The following TSPAN18 variants were observed in gnomAD, a reference collection of about 807,000 sequenced individuals.
The protein encoded by TSPAN18 is tetraspanin-18.
Under a neutral mutation model 27.3 loss-of-function variants are expected in TSPAN18, and 14 were observed. The ratio of observed to expected loss-of-function variants is 0.51; its 90% CI spans 0.34 to 0.80. TSPAN18 has a LOEUF of 0.80. Among genes scored for constraint, TSPAN18 ranks in the 30% least tolerant of loss-of-function variants. The probability of loss-of-function intolerance (pLI) is 0.01; values close to 1 mark genes in which losing one functional copy is unlikely to be tolerated. For synonymous variants in TSPAN18, 143 were observed against 136.5 expected, an observed-to-expected ratio of 1.05 and a Z score of -0.33; for missense variants, 268 against 323.9, an observed-to-expected ratio of 0.83 and a Z score of 1.32.
intron 2 of TSPAN18, among the ~76,000 whole-genome samples, chr11:44,810,831 A>G (rs1856698209): frequency 6.6e-6 from 1 of 151,080 alleles, no homozygotes; most frequent in African/African-American, 2.4e-5. Context: ...CTAGTCTCGA[A>G]CTCCTGGGCT....
chr11:44,848,600 C>T (rs1355311242), intron 2 of TSPAN18, among the ~76,000 whole-genome samples: 1 of 151,708 alleles, frequency 6.6e-6, no homozygotes, highest in Non-Finnish European at 1.5e-5. Flanking sequence ...GAGGAGGGGG[C>T]GGGGGAAGGG....
intron 2 of TSPAN18, among the ~76,000 whole-genome samples, chr11:44,846,360 C>CA (rs1167499753): frequency 9.9e-5 from 15 of 152,246 alleles, no homozygotes; most frequent in Non-Finnish European, 1.9e-4. Context: ...GTTTAATGAA[C>CA]GTGGCTGTAC....
intron 2 of TSPAN18, among the ~76,000 whole-genome samples, chr11:44,790,285 G>A (rs796479409): frequency 4.0e-5 from 6 of 150,078 alleles, no homozygotes; most frequent in East Asian, 3.9e-4. Context: ...GCATGTGTTC[G>A]TGTATGTGCA....
chr11:44,779,981 A>C (rs1207299672), intron 2 of TSPAN18, among the ~76,000 whole-genome samples: 2 of 152,192 alleles, frequency 1.3e-5, no homozygotes, highest in African/African-American at 4.8e-5. Flanking sequence ...CTGCCTTTGC[A>C]CATACCTGCA....
chr11:44,930,666 G>A lies in TSPAN18; in HGVS notation c.*1488G>A, dbSNP rs1565030540. The A allele has an allele frequency of 2.8e-6, 1 of 363,550 alleles. No individual in the cohort carries two copies. The highest frequency in any genetic ancestry group is 7.3e-5 in the East Asian group (1 of 13,606). The allele number at this position is 363,550 out of a possible 1,614,324, so 22.5% of individuals were successfully genotyped here. A position where few individuals can be genotyped will look rare whatever the true frequency, so the allele number is the denominator to read the frequency against. On this transcript the variant is annotated 3_prime_UTR_variant, in exon 10 of 10. Transcript: ENST00000520358. ...CTGGATTGCAAGATGCTCCTACCCT[G>A]ATAGATCAGGGGTGGCTGCTGGAGG... is the stretch of plus-strand genomic sequence containing the variant.
At chr11:44,790,053 C>T (rs1248741464) in intron 2 of TSPAN18, among the ~76,000 whole-genome samples, 1 of 152,226 alleles carries the variant, frequency 6.6e-6, no homozygotes, top group Non-Finnish European at 1.5e-5. Context: ...TCTGAGACCT[C>T]AGACATCATG....
intron 2 of TSPAN18, among the ~76,000 whole-genome samples, chr11:44,836,266 A>G (rs529024150): frequency 1.2e-4 from 18 of 152,384 alleles, no homozygotes; most frequent in African/African-American, 4.1e-4. Context: ...TCCAGTGAAC[A>G]CACAGATGCT....
At chr11:44,849,888 T>C (rs955219121) in intron 2 of TSPAN18, among the ~76,000 whole-genome samples, 1 of 152,144 alleles carries the variant, frequency 6.6e-6, no homozygotes, top group Non-Finnish European at 1.5e-5. Context: ...CCACAGCTCA[T>C]TGGCCAAGCA....
intron 8 of TSPAN18, 139 bp from the exon 9 acceptor site, chr11:44,926,535 C>T (rs1039328790): frequency 3.6e-5 from 28 of 774,808 alleles, no homozygotes; most frequent in African/African-American, 2.7e-4. Flanking sequence ...CACCCCCTCC[C>T]CACTGTCCTG....
chr11:44,739,997 A>G (rs1854893886), intron 1 of TSPAN18, among the ~76,000 whole-genome samples: 7 of 152,202 alleles, frequency 4.6e-5, no homozygotes, highest in Admixed American at 4.6e-4. Context: ...GACTAGTGGA[A>G]TGAGCTGCTT....
intron 2 of TSPAN18, among the ~76,000 whole-genome samples, chr11:44,792,607 G>A (rs1015018029): frequency 2.0e-5 from 3 of 152,164 alleles, no homozygotes; most frequent in African/African-American, 7.2e-5. Flanking sequence ...AAGGAGCCGG[G>A]GCCTCTCCAT....
chr11:44,869,028 G>C (rs1425117570), intron 3 of TSPAN18, among the ~76,000 whole-genome samples: 1 of 152,258 alleles, frequency 6.6e-6, no homozygotes, highest in Non-Finnish European at 1.5e-5. Context: ...TCTGGCTGAG[G>C]GGGTGCCAGC....
intron 2 of TSPAN18, among the ~76,000 whole-genome samples, chr11:44,817,583 G>T (rs1856841217): frequency 6.6e-6 from 1 of 152,224 alleles, no homozygotes; most frequent in Non-Finnish European, 1.5e-5. Flanking sequence ...AGGCCAAGAA[G>T]ACCCTCCCAG....
At chr11:44,731,234 T>G (rs1169860349) in intron 1 of TSPAN18, among the ~76,000 whole-genome samples, 1 of 152,160 alleles carries the variant, frequency 6.6e-6, no homozygotes, top group East Asian at 1.9e-4. Context: ...CTTGTGTGAG[T>G]CACAGCCTCT....
intron 2 of TSPAN18, among the ~76,000 whole-genome samples, chr11:44,856,173 G>A (rs543589465): frequency 2.0e-4 from 30 of 152,168 alleles, no homozygotes; most frequent in South Asian, 1.9e-3. Context: ...ATGAGCCACC[G>A]TGCCCAGCCT....
chr11:44,785,484 C>T (rs977087501), intron 2 of TSPAN18, among the ~76,000 whole-genome samples: 7 of 151,894 alleles, frequency 4.6e-5, no homozygotes, highest in African/African-American at 1.5e-4. Context: ...TTTCCCCCCT[C>T]GTACAAAAAA....
At chr11:44,865,032 G>C (rs1418954152) in intron 3 of TSPAN18, among the ~76,000 whole-genome samples, 1 of 152,218 alleles carries the variant, frequency 6.6e-6, no homozygotes, top group Non-Finnish European at 1.5e-5. Flanking sequence ...CCTCAGCCGG[G>C]GTGGTTGGAC....
At chr11:44,892,435 TG>T (rs1731739050) in intron 3 of TSPAN18, among the ~76,000 whole-genome samples, 1 of 152,240 alleles carries the variant, frequency 6.6e-6, no homozygotes, top group Non-Finnish European at 1.5e-5. Context: ...CTCTTCCTAA[TG>T]GAGTGACCTC....
chr11:44,818,104 C>A (rs749961706), intron 2 of TSPAN18, among the ~76,000 whole-genome samples: 1 of 152,186 alleles, frequency 6.6e-6, no homozygotes, highest in Non-Finnish European at 1.5e-5. Flanking sequence ...GCCTTTAAGC[C>A]TGTGTTAAGT....
Sources: gnomAD v4.1 joint callset for allele counts (sites outside exome capture counted in the v4.1 genomes callset) on GRCh38, gnomAD v4.1.1 for gene constraint, MANE v1.5 for transcripts, NCBI Gene and HGNC (gene_info 2026-07-23, HGNC 2026-07-21) for gene names.